The following COG5 variants were observed in gnomAD, a reference collection of about 807,000 sequenced individuals.
COG5 encodes component of oligomeric golgi complex 5, also known as conserved oligomeric Golgi complex subunit 5.
Under a neutral mutation model 110.4 loss-of-function variants are expected in COG5, and 86 were observed. The ratio of observed to expected loss-of-function variants is 0.78; its 90% confidence interval spans 0.65 to 0.93. COG5 has a LOEUF of 0.93. COG5 is among the 40% of genes least tolerant of loss of function. COG5 has a pLI of 0.00. For missense variants in COG5, 1,077 were observed against 987.0 expected (o/e 1.09, Z -1.22); for synonymous variants, 360 against 334.6 (o/e 1.08, Z -0.83).
Position 107,545,641 on chromosome 7 carries a change from G to A in COG5, c.417+2470C>T, listed in dbSNP as rs143511439. 1.0e-3 allele frequency among the ~76,000 whole-genome samples: 157 copies of A among 151,912 alleles called. 1 individual carries two copies. Among genetic ancestry groups the A allele is most frequent in the African/African-American group, 3.5e-3 (147 of 41,448 alleles). On this transcript the variant is annotated intron_variant, in intron 5 of 21. Coordinates refer to ENST00000297135, the MANE Select transcript of COG5 (RefSeq NM_006348.5). ...CCAAAAATACAAAAATTAGCCAGGC[G>A]TGGTGGCGGGCACCTGTAATCCCAG... is the stretch of plus-strand genomic sequence containing the variant.
At chr7:107,501,976 A>C (rs2129136777) in intron 6 of COG5, among the ~76,000 whole-genome samples, 1 of 152,274 alleles carries the variant, frequency 6.6e-6, no homozygotes, top group Admixed American at 6.5e-5. Context: ...TCAGACTCAC[A>C]ATAAAGGGAA....
At chr7:107,527,049 C>G (rs1457146887) in intron 6 of COG5, among the ~76,000 whole-genome samples, 188 bp downstream of exon 6, 1 of 152,014 alleles carries the variant, frequency 6.6e-6, no homozygotes, top group Non-Finnish European at 1.5e-5. Context: ...AAATAAATAG[C>G]ATTTCAGTGA....
intron 10 of COG5, among the ~76,000 whole-genome samples, chr7:107,347,410 G>C (rs182995817): frequency 6.6e-6 from 1 of 152,208 alleles, no homozygotes; most frequent in East Asian, 1.9e-4. Context: ...CCCTTAAATA[G>C]AATTATAGGC....
chr7:107,343,791 A>T (rs1811367514), intron 10 of COG5, among the ~76,000 whole-genome samples: 1 of 152,208 alleles, frequency 6.6e-6, no homozygotes, highest in Admixed American at 6.5e-5. Flanking sequence ...TGAAAACAAC[A>T]TTAGTCTCCT....
chr7:107,510,639 T>G (rs976157615), intron 6 of COG5, among the ~76,000 whole-genome samples: 10 of 152,286 alleles, frequency 6.6e-5, no homozygotes, highest in East Asian at 1.9e-4. Context: ...ATTGACCACA[T>G]AGCTGGAAGT....
At chr7:107,258,106 CCAGAGT>C (rs1452552937) in intron 15 of COG5, among the ~76,000 whole-genome samples, 161 bp downstream of exon 15, 1 of 152,004 alleles carries the variant, frequency 6.6e-6, no homozygotes, top group Non-Finnish European at 1.5e-5. Context: ...ACAACGAAGG[CCAGAGT>C]CAAAGACTGT....
chr7:107,343,064 A>G (rs1356213994), intron 10 of COG5, among the ~76,000 whole-genome samples: 1 of 152,188 alleles, frequency 6.6e-6, no homozygotes. Flanking sequence ...ATGTCTTTTT[A>G]CAGCAACATG....
chr7:107,504,696 A>G (rs1323748308), intron 6 of COG5, among the ~76,000 whole-genome samples: 1 of 152,066 alleles, frequency 6.6e-6, no homozygotes, highest in Admixed American at 6.6e-5. Context: ...TGGTCTGCTC[A>G]GGGTTTCTAT....
At chr7:107,508,391 C>A (rs1193828322) in intron 6 of COG5, among the ~76,000 whole-genome samples, 1 of 152,236 alleles carries the variant, frequency 6.6e-6, no homozygotes, top group Non-Finnish European at 1.5e-5. Flanking sequence ...GAAGCTCCAA[C>A]TGGGTGGAGC....
At chr7:107,396,848 A>G (rs1279280675) in intron 7 of COG5, among the ~76,000 whole-genome samples, 2 of 152,336 alleles carry the variant, frequency 1.3e-5, no homozygotes, top group East Asian at 3.9e-4. Context: ...GAAAATGTTT[A>G]TTCAACAATA....
chr7:107,457,584 A>G (rs1456063072), intron 6 of COG5, among the ~76,000 whole-genome samples: 2 of 151,948 alleles, frequency 1.3e-5, no homozygotes, highest in Non-Finnish European at 2.9e-5. Context: ...GCCCGCCACC[A>G]TGCCCGGCTA....
intron 6 of COG5, among the ~76,000 whole-genome samples, chr7:107,414,312 C>T (rs1355976744): frequency 2.0e-5 from 3 of 152,146 alleles, no homozygotes; most frequent in African/African-American, 4.8e-5. Context: ...ATACAAATAT[C>T]TCTTGGATCC....
intron 14 of COG5, among the ~76,000 whole-genome samples, chr7:107,271,551 T>C (rs1309374884): frequency 6.6e-6 from 1 of 152,186 alleles, no homozygotes; most frequent in Non-Finnish European, 1.5e-5. Flanking sequence ...TGGAATTTGA[T>C]ATTTTCTGCT....
At position 107,230,671 on chromosome 7, in the gene COG5, T is replaced by C. The variant is rs774119226; in HGVS notation, c.2112A>G (p.Pro704=). ...DFAQMELAVG[P]FCRRVSDLGK... ...CTAAATCAGATACTCGTCTACAGAA[T>C]GGACCCACAGCCAACTCCATCTGAA... The change falls in exon 19 of 22, where the codon CCA becomes CCG. Residue 704 remains proline (P), a synonymous_variant. Coordinates refer to ENST00000297135, the MANE Select transcript of COG5 (RefSeq NM_006348.5). The C allele has an allele frequency of 3.1e-6, 5 of 1,612,598 alleles. No homozygotes were observed. The highest frequency in any genetic ancestry group is 1.7e-5 in the Admixed American group (1 of 60,000).
intron 3 of COG5, among the ~76,000 whole-genome samples, chr7:107,552,411 A>G (rs1398515755): frequency 6.6e-6 from 1 of 152,228 alleles, no homozygotes; most frequent in African/African-American, 2.4e-5. Flanking sequence ...TCCAGAATTT[A>G]TAAGAAACTT....
chr7:107,563,725 T>C, intron 1 of COG5, 78 bp downstream of exon 1: 8 of 1,537,612 alleles, frequency 5.2e-6, no homozygotes, highest in Non-Finnish European at 7.2e-6. Flanking sequence ...AAGCAACGGG[T>C]TGGGTCCACC....
At chr7:107,433,947 C>G (rs565226872) in intron 6 of COG5, among the ~76,000 whole-genome samples, 2 of 151,702 alleles carry the variant, frequency 1.3e-5, no homozygotes. Flanking sequence ...TAAAGAAATC[C>G]TACAATTAAG....
intron 11 of COG5, among the ~76,000 whole-genome samples, chr7:107,319,933 C>T (rs1183660206): frequency 1.3e-5 from 2 of 152,112 alleles, no homozygotes; most frequent in Non-Finnish European, 2.9e-5. Flanking sequence ...TGAATAGTCA[C>T]TGCACTTCAG....
chr7:107,294,057 G>C (rs915375326), intron 12 of COG5, among the ~76,000 whole-genome samples: 1 of 152,042 alleles, frequency 6.6e-6, no homozygotes, highest in Admixed American at 6.5e-5. Context: ...GGGTGACAGA[G>C]CAAAGACTCC....
Sources: gnomAD v4.1 joint callset for allele counts (sites outside exome capture counted in the v4.1 genomes callset) on GRCh38, gnomAD v4.1.1 for gene constraint, MANE v1.5 for transcripts, NCBI Gene and HGNC (gene_info 2026-07-23, HGNC 2026-07-21) for gene names.